IRS1: variants seen among roughly 807,000 people sequenced by gnomAD.
IRS1 encodes insulin receptor substrate 1.
A neutral mutation model predicts 65.6 loss-of-function variants in IRS1; 34 were observed. The observed-to-expected ratio is 0.52, with a 90% CI of 0.39 to 0.69. IRS1 has a LOEUF of 0.69. Among genes scored for constraint, IRS1 ranks in the 30% least tolerant of loss-of-function variants. The pLI, the probability that IRS1 is intolerant of heterozygous loss-of-function variation, is 0.00. For synonymous variants in IRS1, 699 were observed against 683.5 expected, an observed-to-expected ratio of 1.02 and a Z score of -0.35; for missense variants, 1,641 against 1,720.2, an observed-to-expected ratio of 0.95 and a Z score of 0.81.
In IRS1 at chr2:226,751,176, C is replaced by A. The variant is rs145952584; in HGVS notation, c.*22-14926G>T. Among the ~76,000 whole-genome samples, 170 of 151,698 alleles carry A rather than the reference C, an allele frequency of 1.1e-3. 2 individuals carry two copies. The East Asian group carries it at 0.028, about 25-fold the overall frequency. On this transcript the variant is annotated intron_variant, in intron 1 of 1. Transcript: ENST00000305123. ...CTAGAGAAGAATGAGAAACTTCTGCCGCCAGGGCTCTTGAACAATACAGAT... is the reference window on the plus strand; with the variant it reads ...CTAGAGAAGAATGAGAAACTTCTGCAGCCAGGGCTCTTGAACAATACAGAT...
In IRS1 at chr2:226,795,499, G is replaced by C. The variant is rs145050860; in HGVS notation, c.3240C>G (p.Asn1080Lys). ...SAFTRVNLSP[N>K]RNQSAKVIRA... ...GGATCACTTTGGCACTCTGGTTGCGGTTAGGACTGAGGTTCACCCGGGTGA... is the reference window on the plus strand; with the variant it reads ...GGATCACTTTGGCACTCTGGTTGCGCTTAGGACTGAGGTTCACCCGGGTGA... The change falls in exon 1 of 2, where the codon AAC (asparagine) becomes AAG (lysine). Residue 1080 changes from asparagine to lysine, a missense_variant. Asn to Lys is a moderately conservative substitution (Grantham distance 94). Around this residue, in one of 3 missense-constraint regions of IRS1, gnomAD observed 1,324 missense variants for 1,361.0 expected, o/e 0.97. Coordinates refer to ENST00000305123, the MANE Select transcript of IRS1 (RefSeq NM_005544.3). The C allele has an allele frequency of 6.2e-7, 1 of 1,613,378 alleles. No individual in the cohort carries two copies.
Position 226,795,168 on chromosome 2 carries a change from A to G in IRS1, c.3571T>C (p.Cys1191Arg), listed in dbSNP as rs1453334928. ...GGTTCAGGGGTGCACTCCTGAGGGC[A>G]CTGTTTGAAGTCCTTGACCAAATCC... is the stretch of plus-strand genomic sequence containing the variant. ...DLDLVKDFKQCPQECTPEPQP... is the reference protein window; with the variant it reads ...DLDLVKDFKQRPQECTPEPQP... Residue 1191 changes from cysteine (C) to arginine (R), a missense_variant, in exon 1 of 2, where the codon TGC (cysteine) becomes CGC (arginine). Cys to Arg is a radical substitution (Grantham distance 180). Coordinates refer to ENST00000305123, the MANE Select transcript of IRS1 (RefSeq NM_005544.3). 1.9e-6 allele frequency: 3 copies of G among 1,613,738 alleles called. No individual in the cohort carries two copies. The highest frequency in any genetic ancestry group is 1.7e-6 in the Non-Finnish European group (2 of 1,179,998).
intron 1 of IRS1, among the ~76,000 whole-genome samples, chr2:226,768,166 G>A (rs910927022): frequency 6.6e-6 from 1 of 152,124 alleles, no homozygotes; most frequent in South Asian, 2.1e-4. Context: ...ACTTCACTCA[G>A]ATGTTTGCTC....
At chr2:226,782,743 G>A (rs1224722678) in intron 1 of IRS1, among the ~76,000 whole-genome samples, 2 of 152,216 alleles carry the variant, frequency 1.3e-5, no homozygotes, top group African/African-American at 4.8e-5. Flanking sequence ...GCTCATGCCT[G>A]GAATCCCAGC....
chr2:226,784,055 C>T (rs186576376), intron 1 of IRS1, among the ~76,000 whole-genome samples: 64 of 151,948 alleles, frequency 4.2e-4, no homozygotes, highest in African/African-American at 1.2e-3. Context: ...CTGACTGAAC[C>T]ACTGCATTCA....
chr2:226,742,859 G>T (rs888726975), intron 1 of IRS1, among the ~76,000 whole-genome samples: 2 of 152,182 alleles, frequency 1.3e-5, no homozygotes, highest in Admixed American at 1.3e-4. Flanking sequence ...TTTCAGGATG[G>T]TTAGGAATTT....
rs1284549698 is a variant in IRS1 at position 226,731,632 on chromosome 2, A to G, written c.*4640T>C. 6.6e-6 allele frequency: 1 copy of G among 152,198 alleles called. No homozygotes were observed. Among genetic ancestry groups the G allele is most frequent in the Non-Finnish European group, 1.5e-5 (1 of 68,030 alleles). The allele number at this position is 152,198 out of a possible 1,614,324, so 9.4% of individuals were successfully genotyped here. Reference sequence around the variant, plus strand: ...GTTTTGGTAGCAATACAGACCATGCATTGGTCTTTGTGTACACAGATGAAG... The same window carrying G: ...GTTTTGGTAGCAATACAGACCATGCGTTGGTCTTTGTGTACACAGATGAAG... On this transcript the variant is annotated 3_prime_UTR_variant, in exon 2 of 2. Transcript: ENST00000305123.
At position 226,795,082 on chromosome 2, in the gene IRS1, G is replaced by C; in HGVS notation, c.3657C>G (p.Thr1219=). The change falls in exon 1 of 2, where the codon ACC becomes ACG. Residue 1219 remains threonine, a synonymous_variant. Transcript: ENST00000305123. The part of the protein sequence containing the change: ...QPLGSGESSS[T]RRSSEDLSAY... Reference sequence around the variant, plus strand: ...CGCTTAAATCCTCACTTGAGCGGCGGGTGGAGCTGCTCTCACCGCTGCCCA... The same window carrying C: ...CGCTTAAATCCTCACTTGAGCGGCGCGTGGAGCTGCTCTCACCGCTGCCCA... 1 of 1,611,552 alleles carries C rather than the reference G, an allele frequency of 6.2e-7. No homozygotes were observed. The highest frequency in any genetic ancestry group is 8.5e-7 in the Non-Finnish European group (1 of 1,179,462).
At chr2:226,742,897 T>C (rs1463014362) in intron 1 of IRS1, among the ~76,000 whole-genome samples, 6 of 152,132 alleles carry the variant, frequency 3.9e-5, no homozygotes, top group South Asian at 4.1e-4. Flanking sequence ...AAACAACATT[T>C]AGTTCTCAGT....
Position 226,789,498 on chromosome 2 carries a change from T to C in IRS1, c.*21+5491A>G, listed in dbSNP as rs1384590348. On this transcript the variant is annotated intron_variant, in intron 1 of 1. Transcript: ENST00000305123. ...GAGAAAAATAAAGCTAAAGAAAAAATTGTGGAAGGCCTCCTATAGTCCCCA... is the reference window on the plus strand; with the variant it reads ...GAGAAAAATAAAGCTAAAGAAAAAACTGTGGAAGGCCTCCTATAGTCCCCA... Among the ~76,000 whole-genome samples, 7 of 152,264 alleles carry C rather than the reference T, an allele frequency of 4.6e-5. 1 individual carries two copies. The South Asian group carries it at 1.5e-3, about 32-fold the overall frequency.
rs1057315632 is a variant in IRS1 at position 226,732,267 on chromosome 2, A to G, written c.*4005T>C. ...ACTTACAGAACTACGGAAGGACCAC[A>G]AAGATCTTCTGTGGCGCTGCCTCAG... On this transcript the variant is annotated 3_prime_UTR_variant, in exon 2 of 2. Transcript: ENST00000305123. 2 of 151,926 alleles carry G rather than the reference A, an allele frequency of 1.3e-5. No individual in the cohort carries two copies. Among genetic ancestry groups the G allele is most frequent in the African/African-American group, 4.8e-5 (2 of 41,354 alleles). The allele number at this position is 151,926 out of a possible 1,614,324, so 9.4% of individuals were successfully genotyped here.
chr2:226,799,383 C>T lies in IRS1; in HGVS notation c.-645G>A. On this transcript the variant is annotated 5_prime_UTR_variant, in exon 1 of 2. Transcript: ENST00000305123. This position sits in a 1 kb window ranked among gnomAD's most constrained non-coding sequence, Gnocchi z 6.1. ...GTTGCTGTTGCTGCTGCTGCTGCTG[C>T]TGCTGCTGCCGCCGCCCGCGGGCGC... 1.6e-6 allele frequency: 2 copies of T among 1,270,152 alleles called. No individual in the cohort carries two copies. The highest frequency in any genetic ancestry group is 2.5e-5 in the Admixed American group (1 of 39,998). The allele number at this position is 1,270,152 out of a possible 1,614,324, so 78.7% of individuals were successfully genotyped here.
chr2:226,756,867 C>A (rs1321331481), intron 1 of IRS1, among the ~76,000 whole-genome samples: 4 of 152,060 alleles, frequency 2.6e-5, no homozygotes, highest in Admixed American at 2.0e-4. Flanking sequence ...GAGGCTGAGA[C>A]AGGAGAATCA....
At chr2:226,758,728 T>C (rs1242262554) in intron 1 of IRS1, among the ~76,000 whole-genome samples, 1 of 151,806 alleles carries the variant, frequency 6.6e-6, no homozygotes, top group Non-Finnish European at 1.5e-5. Context: ...ATAAAAGGCA[T>C]CATGTTTACA....
Position 226,797,806 on chromosome 2 carries a change from G to C in IRS1, c.933C>G (p.Thr311=). The change falls in exon 1 of 2, where the codon ACC becomes ACG. Residue 311 remains threonine (T), a synonymous_variant. Coordinates refer to ENST00000305123, the MANE Select transcript of IRS1 (RefSeq NM_005544.3). The surrounding 1 kb of genome is among the most constrained non-coding windows in gnomAD (Gnocchi z 8.1). ...TCCCGCCCACCATGCTGGCCGGGGAGGTGGCGGTGATGCTCTCAGTGCGTG... is the reference window on the plus strand; with the variant it reads ...TCCCGCCCACCATGCTGGCCGGGGACGTGGCGGTGATGCTCTCAGTGCGTG... The part of the protein sequence containing the change: ...RRSRTESITA[T]SPASMVGGKP... The C allele has an allele frequency of 6.2e-7, 1 of 1,600,064 alleles. No homozygotes were observed. Among genetic ancestry groups the C allele is most frequent in the Non-Finnish European group, 8.5e-7 (1 of 1,175,028 alleles).
intron 1 of IRS1, among the ~76,000 whole-genome samples, chr2:226,761,729 A>G (rs777745054): frequency 1.3e-5 from 2 of 152,058 alleles, no homozygotes; most frequent in Non-Finnish European, 2.9e-5. Flanking sequence ...TAAACCTGAA[A>G]TTCCCCAAAT....
intron 1 of IRS1, among the ~76,000 whole-genome samples, chr2:226,785,386 T>C (rs776140089): frequency 6.6e-6 from 1 of 152,154 alleles, no homozygotes; most frequent in Non-Finnish European, 1.5e-5. Context: ...GTGGATCACT[T>C]GAGGTCAGGA....
intron 1 of IRS1, among the ~76,000 whole-genome samples, chr2:226,781,583 G>A (rs1040180493): frequency 1.3e-5 from 2 of 152,082 alleles, no homozygotes; most frequent in African/African-American, 4.8e-5. Context: ...CAGCGTGGTG[G>A]GAAGCAGGCT....
Position 226,772,534 on chromosome 2 carries a change from A to G in IRS1, c.*21+22455T>C, listed in dbSNP as rs138692093. On this transcript the variant is annotated intron_variant, in intron 1 of 1. Coordinates refer to ENST00000305123, the MANE Select transcript of IRS1 (RefSeq NM_005544.3). ...AATCAATACTATCCACACACAATAG[A>G]TATAGCTAATGAATGAGTGAACAGT... Among the ~76,000 whole-genome samples the G allele has an allele frequency of 2.0e-3, 304 of 152,330 alleles. 1 individual carries two copies. The highest frequency in any genetic ancestry group is 0.01 in the Middle Eastern group (3 of 294).
Sources: gnomAD v4.1 joint callset for allele counts (sites outside exome capture counted in the v4.1 genomes callset) on GRCh38, gnomAD v4.1.1 for gene constraint, gnomAD v4.1.1 regional missense constraint, Gnocchi (gnomAD v3.1) non-coding constraint, MANE v1.5 for transcripts, NCBI Gene and HGNC (gene_info 2026-07-23, HGNC 2026-07-21) for gene names.